The following YAF2 variants were observed in gnomAD, a reference collection of about 807,000 sequenced individuals.
The protein encoded by YAF2 is YY1 associated factor 2.
YAF2 carries 7 observed loss-of-function variants against 20.1 expected under a neutral mutation model. The observed-to-expected ratio is 0.35, with a 90% CI of 0.20 to 0.65. The LOEUF is 0.65. Among genes scored for constraint, YAF2 ranks in the 30% least tolerant of loss-of-function variants. YAF2 has a pLI of 0.69. For synonymous variants in YAF2, 74 were observed against 76.0 expected (o/e 0.97, Z 0.14); for missense variants, 151 against 219.2 (o/e 0.69, Z 1.96).
Position 42,188,383 on chromosome 12 carries a change from C to CTT in YAF2, c.153-26620_153-26619dup, listed in dbSNP as rs765727694. Among the ~76,000 whole-genome samples the CTT allele has an allele frequency of 6.1e-3, 727 of 118,804 alleles. 17 individuals are homozygous for CTT. Among genetic ancestry groups the CTT allele is most frequent in the African/African-American group, 0.02 (645 of 31,766 alleles). The allele number at this position is 118,804 out of a possible 152,430, so 77.9% of individuals were successfully genotyped here. ...TGAACTTTGAAATATATATATTTTGCTTTTTTTTTTTTTTTTTTTAGAGAC... is the reference window on the plus strand; with the variant it reads ...TGAACTTTGAAATATATATATTTTGCTTTTTTTTTTTTTTTTTTTTTAGAGAC... On this transcript the variant is annotated intron_variant, in intron 2 of 3. Transcript: ENST00000534854.
intron 2 of YAF2, among the ~76,000 whole-genome samples, chr12:42,217,858 C>T (rs2067401004): frequency 6.6e-6 from 1 of 152,084 alleles, no homozygotes; most frequent in Admixed American, 6.6e-5. Context: ...CAAAGGAATG[C>T]TTAGCCTTCA....
At chr12:42,223,924 A>G (rs1232897480) in intron 2 of YAF2, among the ~76,000 whole-genome samples, 1 of 152,154 alleles carries the variant, frequency 6.6e-6, no homozygotes, top group East Asian at 1.9e-4. Context: ...TACCTAATGC[A>G]TGCAGGTCTT....
At chr12:42,201,097 G>A (rs551735730) in intron 2 of YAF2, among the ~76,000 whole-genome samples, 2 of 152,254 alleles carry the variant, frequency 1.3e-5, no homozygotes, top group South Asian at 2.1e-4. Context: ...ATAGATGTAG[G>A]TAATTCTCCA....
chr12:42,174,705 G>C (rs1217062390), intron 2 of YAF2, among the ~76,000 whole-genome samples: 1 of 152,028 alleles, frequency 6.6e-6, no homozygotes, highest in Non-Finnish European at 1.5e-5. Context: ...TTCAGTCCTC[G>C]GTTTTAAGTA....
intron 2 of YAF2, among the ~76,000 whole-genome samples, chr12:42,167,042 G>C (rs1280892631): frequency 2.7e-5 from 4 of 150,054 alleles, no homozygotes; most frequent in African/African-American, 9.8e-5. Flanking sequence ...CCTAGGAACA[G>C]AAAACCAAAC....
At position 42,158,489 on chromosome 12, in the gene YAF2, C is replaced by G. The variant is rs79463144; in HGVS notation, c.*2100G>C. ...GTGTCAGATAATTAAGAATTTTACA[C>G]GGATTGACTTAATCCTCCCAAAAAC... On this transcript the variant is annotated 3_prime_UTR_variant, in exon 4 of 4. Coordinates refer to ENST00000534854, the MANE Select transcript of YAF2 (RefSeq NM_005748.6). The G allele has an allele frequency of 6.6e-6, 1 of 152,104 alleles. No homozygotes were observed. The highest frequency in any genetic ancestry group is 1.5e-5 in the Non-Finnish European group (1 of 68,012). The allele number at this position is 152,104 out of a possible 1,614,324, so 9.4% of individuals were successfully genotyped here.
intron 1 of YAF2, 199 bp from the exon 2 acceptor site, chr12:42,237,923 C>A: frequency 8.8e-6 from 4 of 456,612 alleles, no homozygotes; most frequent in Non-Finnish European, 1.2e-5. Flanking sequence ...CCGCAGTCGC[C>A]GCCGCCACAG....
intron 2 of YAF2, among the ~76,000 whole-genome samples, chr12:42,200,093 A>G (rs2066858854): frequency 6.6e-6 from 1 of 152,220 alleles, no homozygotes; most frequent in African/African-American, 2.4e-5. Context: ...AAGGCATTAC[A>G]CTAAATTTTG....
chr12:42,234,076 C>A (rs2068060301), intron 2 of YAF2: 12 of 636,304 alleles, frequency 1.9e-5, no homozygotes, highest in Non-Finnish European at 2.3e-5. Flanking sequence ...GAGGCTGAGG[C>A]ATGAGAATTG....
intron 2 of YAF2, among the ~76,000 whole-genome samples, chr12:42,176,866 C>T (rs1296296384): frequency 6.6e-6 from 1 of 152,158 alleles, no homozygotes; most frequent in East Asian, 1.9e-4. Context: ...ACTCGGGAGG[C>T]TAAGGCAGGA....
intron 2 of YAF2, among the ~76,000 whole-genome samples, chr12:42,163,720 A>G (rs772041511): frequency 1.7e-4 from 26 of 152,350 alleles, no homozygotes; most frequent in Admixed American, 6.5e-4. Context: ...AGCACAAAAC[A>G]TAAATGTATA....
intron 2 of YAF2, among the ~76,000 whole-genome samples, chr12:42,226,903 G>A (rs1592050417): frequency 6.7e-6 from 1 of 150,348 alleles, no homozygotes; most frequent in South Asian, 2.1e-4. Flanking sequence ...GCTGGGGTCG[G>A]TGGCTTAGGG....
chr12:42,182,657 C>T (rs1487739806), intron 2 of YAF2, among the ~76,000 whole-genome samples: 1 of 152,192 alleles, frequency 6.6e-6, no homozygotes, highest in Non-Finnish European at 1.5e-5. Context: ...AAATACACTT[C>T]CCACACTCAA....
chr12:42,237,497 C>G (rs1043753218), intron 2 of YAF2, 102 bp downstream of exon 2: 1 of 1,364,478 alleles, frequency 7.3e-7, no homozygotes, highest in African/African-American at 1.5e-5. Context: ...TGCCTCCTCC[C>G]GCCGGGTCCG....
intron 2 of YAF2, among the ~76,000 whole-genome samples, chr12:42,213,784 T>C (rs531625558): frequency 2.1e-4 from 32 of 152,356 alleles, no homozygotes; most frequent in African/African-American, 7.7e-4. Context: ...TGTATATTAA[T>C]GACCTTTTTA....
chr12:42,237,454 G>C lies in YAF2; in HGVS notation c.152+145C>G, dbSNP rs985929742. ...CCATCGCCTGGGTTGCGATCAATGT[G>C]ACCCAGTTCCTATCGCCACAGCCAC... is the stretch of plus-strand genomic sequence containing the variant. On this transcript the variant is annotated intron_variant, in intron 2 of 3. Coordinates refer to ENST00000534854, the MANE Select transcript of YAF2 (RefSeq NM_005748.6). 7.5e-5 allele frequency: 101 copies of C among 1,338,674 alleles called. No individual in the cohort carries two copies. In the African/African-American group the frequency reaches 1.4e-3, roughly 19 times the overall value. The allele number at this position is 1,338,674 out of a possible 1,614,324, so 82.9% of individuals were successfully genotyped here. A position where few individuals can be genotyped will look rare whatever the true frequency, so the allele number is the denominator to read the frequency against.
At chr12:42,228,410 C>A (rs1434191644) in intron 2 of YAF2, among the ~76,000 whole-genome samples, 1 of 60,588 alleles carries the variant, frequency 1.7e-5, no homozygotes, top group African/African-American at 9.4e-5. Flanking sequence ...CCAGCCGCCC[C>A]GTCCGGGAGG....
At chr12:42,213,387 C>T (rs1177334956) in intron 2 of YAF2, among the ~76,000 whole-genome samples, 1 of 152,196 alleles carries the variant, frequency 6.6e-6, no homozygotes, top group Non-Finnish European at 1.5e-5. Flanking sequence ...GGAAAAAGAA[C>T]AAAATTCTAT....
intron 2 of YAF2, among the ~76,000 whole-genome samples, chr12:42,177,485 G>A (rs907619018): frequency 1.3e-5 from 2 of 152,102 alleles, no homozygotes; most frequent in Admixed American, 6.5e-5. Context: ...GGGAGAGACC[G>A]ACAAACCTCT....
Sources: gnomAD v4.1 joint callset for allele counts (sites outside exome capture counted in the v4.1 genomes callset) on GRCh38, gnomAD v4.1.1 for gene constraint, MANE v1.5 for transcripts, NCBI Gene and HGNC (gene_info 2026-07-23, HGNC 2026-07-21) for gene names.